The following MAGI2 variants were observed in gnomAD, a reference collection of about 807,000 sequenced individuals.
The protein encoded by MAGI2 is membrane associated guanylate kinase, WW and PDZ domain containing 2, also known as membrane-associated guanylate kinase, WW and PDZ domain-containing protein 2.
Under a neutral mutation model 133.3 loss-of-function variants are expected in MAGI2, and 35 were observed. The ratio of observed to expected loss-of-function variants is 0.26; its 90% CI spans 0.20 to 0.35. The LOEUF is 0.35. Ranked by LOEUF, MAGI2 falls within the 10% of genes least tolerant of loss-of-function variation. The pLI is 1.00. For synonymous variants in MAGI2, 729 were observed against 710.6 expected, an observed-to-expected ratio of 1.03 and a Z score of -0.41; for missense variants, 1,636 against 1,863.4, an observed-to-expected ratio of 0.88 and a Z score of 2.25.
At chr7:78,141,614 G>A (rs755719172) in intron 16 of MAGI2, among the ~76,000 whole-genome samples, 2 of 152,174 alleles carry the variant, frequency 1.3e-5, no homozygotes, top group South Asian at 2.1e-4. Flanking sequence ...AGATGAAAAC[G>A]TCTTCCCTGA....
intron 21 of MAGI2, among the ~76,000 whole-genome samples, chr7:78,035,502 C>A (rs533405610): frequency 6.6e-6 from 1 of 152,294 alleles, no homozygotes; most frequent in South Asian, 2.1e-4. Flanking sequence ...TCTCCTTTAA[C>A]CTCTTCCTTT....
intron 1 of MAGI2, among the ~76,000 whole-genome samples, chr7:79,451,590 G>T (rs1213398813): frequency 2.6e-5 from 4 of 152,050 alleles, no homozygotes; most frequent in Non-Finnish European, 4.4e-5. Context: ...ACATTTTCTT[G>T]TATGGCAATT....
At chr7:78,778,762 T>A (rs2151334701) in intron 2 of MAGI2, among the ~76,000 whole-genome samples, 1 of 152,314 alleles carries the variant, frequency 6.6e-6, no homozygotes, top group South Asian at 2.1e-4. Context: ...TGGCCTTAAA[T>A]CTTAATTTCC....
intron 2 of MAGI2, among the ~76,000 whole-genome samples, chr7:78,683,529 C>A: frequency 6.6e-6 from 1 of 152,254 alleles, no homozygotes; most frequent in Non-Finnish European, 1.5e-5. Flanking sequence ...AAAAGGGATA[C>A]AATTTTCATT....
intron 1 of MAGI2, among the ~76,000 whole-genome samples, chr7:79,066,511 T>C (rs1814348167): frequency 6.6e-6 from 1 of 152,154 alleles, no homozygotes. Flanking sequence ...TCCCATTCTG[T>C]AGGTTGCCTG....
intron 1 of MAGI2, among the ~76,000 whole-genome samples, chr7:79,242,250 G>A (rs769359413): frequency 5.3e-5 from 8 of 151,848 alleles, no homozygotes; most frequent in Admixed American, 1.3e-4. Context: ...AGCCCACAAT[G>A]TATATATATA....
intron 6 of MAGI2, among the ~76,000 whole-genome samples, chr7:78,389,446 C>T (rs1361897761): frequency 1.3e-5 from 2 of 152,182 alleles, no homozygotes; most frequent in Non-Finnish European, 2.9e-5. Context: ...TCTTACTCAT[C>T]TTTGTGTTCC....
At chr7:78,114,761 A>C (rs1819690916) in intron 20 of MAGI2, among the ~76,000 whole-genome samples, 1 of 152,204 alleles carries the variant, frequency 6.6e-6, no homozygotes, top group Non-Finnish European at 1.5e-5. Context: ...CTCAGGCAGG[A>C]CTGTGTGGCA....
At chr7:78,163,849 G>C (rs1053378492) in intron 15 of MAGI2, among the ~76,000 whole-genome samples, 3 of 149,340 alleles carry the variant, frequency 2.0e-5, no homozygotes, top group African/African-American at 7.4e-5. Context: ...AGAGCTTGCA[G>C]TGAGCTGAGA....
intron 6 of MAGI2, among the ~76,000 whole-genome samples, chr7:78,408,343 C>T (rs1797576204): frequency 6.6e-6 from 1 of 151,938 alleles, no homozygotes; most frequent in African/African-American, 2.4e-5. Context: ...TATACTTTAT[C>T]TGTTTCCAAG....
intron 1 of MAGI2, among the ~76,000 whole-genome samples, chr7:79,268,073 T>C (rs543885260): frequency 3.9e-5 from 6 of 152,270 alleles, no homozygotes; most frequent in South Asian, 2.1e-4. Flanking sequence ...TTGTGCTCCT[T>C]CTGGAGAAGC....
chr7:79,219,036 T>C (rs945805469), intron 1 of MAGI2, among the ~76,000 whole-genome samples: 1 of 152,066 alleles, frequency 6.6e-6, no homozygotes, highest in Non-Finnish European at 1.5e-5. Flanking sequence ...TGTATTTGCA[T>C]GCAACTAAGA....
chr7:78,753,558 C>A (rs1823655571), intron 2 of MAGI2, among the ~76,000 whole-genome samples: 1 of 151,802 alleles, frequency 6.6e-6, no homozygotes. Flanking sequence ...ACATAATAGC[C>A]AAAAATTTCC....
chr7:78,797,549 G>A (rs1206848777), intron 2 of MAGI2, among the ~76,000 whole-genome samples: 1 of 151,982 alleles, frequency 6.6e-6, no homozygotes, highest in Non-Finnish European at 1.5e-5. Context: ...AAGAGTAATT[G>A]GAACATTATG....
intron 20 of MAGI2, among the ~76,000 whole-genome samples, chr7:78,110,039 A>T (rs1194795686): frequency 6.6e-6 from 1 of 152,070 alleles, no homozygotes; most frequent in Non-Finnish European, 1.5e-5. Flanking sequence ...GTGAGCACTG[A>T]CTCGGGAGCT....
chr7:78,788,696 C>A (rs935342213), intron 2 of MAGI2, among the ~76,000 whole-genome samples: 1 of 152,008 alleles, frequency 6.6e-6, no homozygotes, highest in Non-Finnish European at 1.5e-5. Flanking sequence ...TACACCTCAC[C>A]CTTTTTTATT....
chr7:78,421,702 G>A (rs1283161452), intron 6 of MAGI2, among the ~76,000 whole-genome samples: 2 of 152,098 alleles, frequency 1.3e-5, no homozygotes, highest in Non-Finnish European at 2.9e-5. Context: ...TACTCAGGAG[G>A]CTGAGGTGGG....
intron 3 of MAGI2, among the ~76,000 whole-genome samples, chr7:78,613,611 A>C (rs550135998): frequency 1.3e-5 from 2 of 152,220 alleles, no homozygotes; most frequent in Non-Finnish European, 2.9e-5. Context: ...TGGTAGAAAC[A>C]AAACACGTGA....
chr7:79,171,743 A>AATATATATATAT (rs34570751), intron 1 of MAGI2, among the ~76,000 whole-genome samples: 2 of 29,576 alleles, frequency 6.8e-5, no homozygotes, highest in Non-Finnish European at 1.3e-4. Flanking sequence ...AATAGCCAAA[A>AATATATATATAT]ATATATATAT....
Sources: allele counts gnomAD v4.1 joint callset (sites outside exome capture counted in the v4.1 genomes callset), GRCh38; gene constraint gnomAD v4.1.1; transcripts MANE v1.5; gene names NCBI Gene and HGNC (gene_info 2026-07-23, HGNC 2026-07-21).